The following CPNE4 variants were observed in gnomAD, a reference collection of about 807,000 sequenced individuals.
The protein encoded by CPNE4 is copine-4.
Under a neutral mutation model 67.9 loss-of-function variants are expected in CPNE4, and 25 were observed. That is an observed-to-expected ratio of 0.37 (90% CI 0.27 to 0.51). The LOEUF (loss-of-function observed/expected upper bound fraction) is 0.51. Ranked by LOEUF, CPNE4 falls within the 20% of genes least tolerant of loss-of-function variation. The pLI is 0.93. For missense variants in CPNE4, 464 were observed against 690.8 expected (o/e 0.67, Z 3.68); for synonymous variants, 242 against 244.9 (o/e 0.99, Z 0.11).
At chr3:131,910,647 G>C (rs1220943445) in intron 1 of CPNE4, among the ~76,000 whole-genome samples, 1 of 152,114 alleles carries the variant, frequency 6.6e-6, no homozygotes, top group Non-Finnish European at 1.5e-5. Context: ...GAGGGGGCAT[G>C]AACTCTTAGA....
At chr3:131,978,468 T>TTATATATTTATATATATTTA (rs1466181166) in intron 1 of CPNE4, among the ~76,000 whole-genome samples, 1 of 20,428 alleles carries the variant, frequency 4.9e-5, no homozygotes, top group African/African-American at 3.7e-4. Flanking sequence ...TTATATATAT[T>TTATATATTTATATATATTTA]TATATATTTA....
At chr3:131,752,106 C>T (rs2082643843) in intron 2 of CPNE4, among the ~76,000 whole-genome samples, 1 of 152,158 alleles carries the variant, frequency 6.6e-6, no homozygotes, top group African/African-American at 2.4e-5. Context: ...CCACATTTAC[C>T]ATGTGATCTT....
chr3:131,905,519 A>G (rs1346836869), intron 1 of CPNE4, 75 bp from the exon 2 acceptor site: 2 of 1,329,992 alleles, frequency 1.5e-6, no homozygotes, highest in East Asian at 5.1e-5. Flanking sequence ...AAGCCTCCCA[A>G]TCACCCTTCA....
intron 1 of CPNE4, among the ~76,000 whole-genome samples, chr3:132,006,865 T>C (rs2073622129): frequency 6.6e-6 from 1 of 152,150 alleles, no homozygotes; most frequent in African/African-American, 2.4e-5. Context: ...AACCTGATAC[T>C]GTATTATCTC....
chr3:131,574,155 T>G (rs967659649), intron 10 of CPNE4, among the ~76,000 whole-genome samples: 10 of 152,150 alleles, frequency 6.6e-5, no homozygotes, highest in African/African-American at 2.2e-4. Context: ...TTCAAATGAC[T>G]GAGCCAGTCA....
intron 2 of CPNE4, among the ~76,000 whole-genome samples, chr3:131,801,425 T>A (rs1175692598): frequency 1.3e-5 from 1 of 79,042 alleles, no homozygotes; most frequent in Non-Finnish European, 2.5e-5. Flanking sequence ...CGTGTGTGTG[T>A]GTGTGTGTGT....
At chr3:131,718,243 T>C (rs1462980291) in intron 3 of CPNE4, among the ~76,000 whole-genome samples, 1 of 152,076 alleles carries the variant, frequency 6.6e-6, no homozygotes, top group Non-Finnish European at 1.5e-5. Context: ...TCTGCCAGCC[T>C]CAGCGTGCTT....
chr3:131,857,738 C>T (rs541170498), intron 2 of CPNE4, among the ~76,000 whole-genome samples: 9 of 152,102 alleles, frequency 5.9e-5, no homozygotes, highest in Middle Eastern at 3.4e-3. Context: ...AACCCTGTTA[C>T]GGCCCTTCAT....
intron 7 of CPNE4, among the ~76,000 whole-genome samples, chr3:131,654,350 G>A (rs2079893953): frequency 6.6e-6 from 1 of 151,978 alleles, no homozygotes; most frequent in Non-Finnish European, 1.5e-5. Context: ...TTGTCACCCA[G>A]GTACTAAGCC....
At chr3:131,730,300 G>A (rs1045987336) in intron 2 of CPNE4, among the ~76,000 whole-genome samples, 1 of 151,902 alleles carries the variant, frequency 6.6e-6, no homozygotes, top group Non-Finnish European at 1.5e-5. Flanking sequence ...TAAAAATAAT[G>A]GTTCATTTTA....
In CPNE4 at chr3:131,552,149, T is replaced by TTTATTA. The variant is rs149887152; in HGVS notation, c.1168+285_1168+290dup. ...TCACTGCCTACCAGGTGAAGTTTCA[T>TTTATTA]TTATTATTATTATTATTATTATGGC... On this transcript the variant is annotated intron_variant, in intron 13 of 15. Coordinates refer to ENST00000429747, the MANE Select transcript of CPNE4 (RefSeq NM_130808.3). 5.8e-3 allele frequency among the ~76,000 whole-genome samples: 870 copies of TTTATTA among 150,784 alleles called. 4 individuals are homozygous for TTTATTA. Among genetic ancestry groups the TTTATTA allele is most frequent in the Middle Eastern group, 0.014 (4 of 286 alleles).
At chr3:131,999,716 G>C (rs572077306) in intron 1 of CPNE4, among the ~76,000 whole-genome samples, 1 of 151,860 alleles carries the variant, frequency 6.6e-6, no homozygotes, top group South Asian at 2.1e-4. Flanking sequence ...TGGTAGAACT[G>C]GCACTGGTTT....
intron 1 of CPNE4, among the ~76,000 whole-genome samples, chr3:131,998,106 A>C (rs1210220751): frequency 6.6e-6 from 1 of 152,112 alleles, no homozygotes; most frequent in Non-Finnish European, 1.5e-5. Context: ...AAGGACCTGG[A>C]TGTAGATATC....
At chr3:131,965,558 C>T (rs933035374) in intron 1 of CPNE4, among the ~76,000 whole-genome samples, 6 of 151,440 alleles carry the variant, frequency 4.0e-5, no homozygotes, top group Non-Finnish European at 8.9e-5. Context: ...AAACAAAAAA[C>T]ATCAGGATTT....
intron 3 of CPNE4, among the ~76,000 whole-genome samples, chr3:131,707,691 C>G (rs940072944): frequency 6.6e-6 from 1 of 152,138 alleles, no homozygotes; most frequent in African/African-American, 2.4e-5. Flanking sequence ...TGATCAGGCC[C>G]TGAGCTAAAC....
At chr3:131,915,400 T>C (rs2089146929) in intron 1 of CPNE4, among the ~76,000 whole-genome samples, 2 of 152,186 alleles carry the variant, frequency 1.3e-5, no homozygotes, top group African/African-American at 4.8e-5. Flanking sequence ...CTATATGTAA[T>C]GGTAGCTTCA....
intron 2 of CPNE4, among the ~76,000 whole-genome samples, chr3:131,805,279 G>T (rs556597240): frequency 6.6e-6 from 1 of 152,182 alleles, no homozygotes; most frequent in Non-Finnish European, 1.5e-5. Context: ...TTTTGCAGAT[G>T]TATGAGATAG....
At chr3:131,680,028 T>C (rs1439891510) in intron 6 of CPNE4, among the ~76,000 whole-genome samples, 3 of 152,158 alleles carry the variant, frequency 2.0e-5, no homozygotes, top group Admixed American at 2.0e-4. Flanking sequence ...TGTGGGGTGT[T>C]AAAGTCTCCC....
intron 7 of CPNE4, among the ~76,000 whole-genome samples, chr3:131,591,348 C>T (rs925130063): frequency 2.6e-5 from 4 of 152,068 alleles, no homozygotes; most frequent in African/African-American, 9.7e-5. Flanking sequence ...GTGGGAGCAA[C>T]TTTTTTTTAA....
Sources: allele counts gnomAD v4.1 joint callset (sites outside exome capture counted in the v4.1 genomes callset), GRCh38; gene constraint gnomAD v4.1.1; transcripts MANE v1.5; gene names NCBI Gene and HGNC (gene_info 2026-07-23, HGNC 2026-07-21).